Variants in PALS2 observed in about 807,000 individuals in gnomAD.
PALS2 encodes protein associated with LIN7 2, MAGUK p55 family member, also known as protein PALS2.
A neutral mutation model predicts 61.6 loss-of-function variants in PALS2; 27 were observed. That is an observed-to-expected ratio of 0.44 (90% CI 0.32 to 0.60). PALS2 has a LOEUF of 0.60. Among genes scored for constraint, PALS2 ranks in the 20% least tolerant of loss-of-function variants. The probability of loss-of-function intolerance (pLI) is 0.05; values close to 1 mark genes in which losing one functional copy is unlikely to be tolerated. For missense variants in PALS2, 554 were observed against 639.4 expected, an observed-to-expected ratio of 0.87 and a Z score of 1.44; for synonymous variants, 236 against 218.6, an observed-to-expected ratio of 1.08 and a Z score of -0.70.
At chr7:24,677,049 C>T (rs531095276) in intron 9 of PALS2, among the ~76,000 whole-genome samples, 5,787 of 151,590 alleles carry the variant, frequency 0.038, 144 homozygotes, top group Non-Finnish European at 0.057. Context: ...TCTTTTATTT[C>T]GTTGAGCAGT....
In PALS2 at chr7:24,588,095, C is replaced by T. The variant is rs114919294; in HGVS notation, c.-3+14502C>T. Among the ~76,000 whole-genome samples, 792 of 152,114 alleles carry T rather than the reference C, an allele frequency of 5.2e-3. 7 individuals are homozygous for T. Among genetic ancestry groups the T allele is most frequent in the African/African-American group, 0.017 (724 of 41,478 alleles). ...CTAAGCAATTCATTGGGACAGACCC[C>T]ACAACAAAGAATTATCTGGCGCCAA... On this transcript the variant is annotated intron_variant, in intron 1 of 11. Coordinates refer to ENST00000222644, the MANE Select transcript of PALS2 (RefSeq NM_001303037.2).
chr7:24,642,600 A>C (rs1299156517), intron 3 of PALS2, among the ~76,000 whole-genome samples: 1 of 152,170 alleles, frequency 6.6e-6, no homozygotes, highest in Non-Finnish European at 1.5e-5. Context: ...GGATAGAATA[A>C]AGTAAATGTC....
At chr7:24,606,545 A>C (rs1005272920) in intron 1 of PALS2, among the ~76,000 whole-genome samples, 4 of 152,214 alleles carry the variant, frequency 2.6e-5, no homozygotes, top group African/African-American at 9.6e-5. Flanking sequence ...TGAGTTGCAG[A>C]ATATAGATAA....
intron 1 of PALS2, among the ~76,000 whole-genome samples, chr7:24,594,240 C>T (rs1783415998): frequency 6.6e-6 from 1 of 152,076 alleles, no homozygotes; most frequent in South Asian, 2.1e-4. Context: ...TAGGGCCTTA[C>T]TCTGGATTAG....
At chr7:24,682,050 GC>G (rs1787963951) in intron 11 of PALS2, among the ~76,000 whole-genome samples, 2 of 152,140 alleles carry the variant, frequency 1.3e-5, no homozygotes, top group African/African-American at 4.8e-5. Flanking sequence ...TTCTTTGGAT[GC>G]CAGACATTGT....
At chr7:24,644,471 T>C (rs1317580614) in intron 3 of PALS2, among the ~76,000 whole-genome samples, 1 of 152,054 alleles carries the variant, frequency 6.6e-6, no homozygotes, top group Non-Finnish European at 1.5e-5. Context: ...CATTGATCTT[T>C]TGAAAGGTTT....
rs1274264847 is a variant in PALS2 at position 24,692,045 on chromosome 7, AT to A, written c.*4436del. ...TAAGGTAAGGTTATTTTTAAATTGC[AT>A]TTTTGTTCTAACGTTTTGCAATTTA... On this transcript the variant is annotated 3_prime_UTR_variant, in exon 12 of 12. Transcript: ENST00000222644. The A allele has an allele frequency of 6.6e-6, 1 of 152,046 alleles. No individual in the cohort carries two copies. The highest frequency in any genetic ancestry group is 1.5e-5 in the Non-Finnish European group (1 of 67,962). 9.4% of individuals were successfully genotyped at this position (152,046 alleles called of 1,614,324 possible).
intron 9 of PALS2, among the ~76,000 whole-genome samples, chr7:24,674,989 G>C (rs1272705258): frequency 6.6e-6 from 1 of 152,192 alleles, no homozygotes; most frequent in Non-Finnish European, 1.5e-5. Flanking sequence ...TAGTTGCGCA[G>C]TATAGAAGTC....
At chr7:24,585,938 T>G (rs929102175) in intron 1 of PALS2, among the ~76,000 whole-genome samples, 2 of 152,194 alleles carry the variant, frequency 1.3e-5, no homozygotes, top group Non-Finnish European at 2.9e-5. Context: ...TTCTCTTTTA[T>G]CATCCAAACT....
At chr7:24,653,515 CCA>C (rs1786266198) in intron 5 of PALS2, among the ~76,000 whole-genome samples, 1 of 152,086 alleles carries the variant, frequency 6.6e-6, no homozygotes, top group Non-Finnish European at 1.5e-5. Context: ...CCCCAATACC[CCA>C]CGAAGTTTAA....
At chr7:24,683,410 T>A (rs191424869) in intron 11 of PALS2, among the ~76,000 whole-genome samples, 34 of 152,306 alleles carry the variant, frequency 2.2e-4, no homozygotes, top group Admixed American at 9.8e-4. Context: ...CATGAGCACG[T>A]ATGTTCAAAC....
intron 5 of PALS2, among the ~76,000 whole-genome samples, chr7:24,652,933 G>T (rs2721800): frequency 4.2e-4 from 64 of 152,178 alleles, no homozygotes; most frequent in Non-Finnish European, 7.2e-4. Flanking sequence ...TAAATTTTGA[G>T]GGCCAGAGTG....
chr7:24,587,351 G>A (rs1481699331), intron 1 of PALS2, among the ~76,000 whole-genome samples: 1 of 151,786 alleles, frequency 6.6e-6, no homozygotes, highest in African/African-American at 2.4e-5. Flanking sequence ...AGAAAATAAA[G>A]ATACTAATAG....
At chr7:24,598,510 A>T (rs1018232667) in intron 1 of PALS2, among the ~76,000 whole-genome samples, 4 of 152,200 alleles carry the variant, frequency 2.6e-5, no homozygotes, top group African/African-American at 9.6e-5. Flanking sequence ...GTGTTCTTTC[A>T]CTACATTGAA....
chr7:24,646,008 A>C (rs1785813078), intron 3 of PALS2, among the ~76,000 whole-genome samples: 1 of 152,086 alleles, frequency 6.6e-6, no homozygotes, highest in African/African-American at 2.4e-5. Flanking sequence ...GATACAAAGG[A>C]CTTTGTATCC....
At chr7:24,581,808 C>T (rs1267032661) in intron 1 of PALS2, among the ~76,000 whole-genome samples, 2 of 152,082 alleles carry the variant, frequency 1.3e-5, no homozygotes, top group Non-Finnish European at 2.9e-5. Context: ...AATTTTGATG[C>T]CTCTATTACG....
At chr7:24,598,763 C>A (rs189810019) in intron 1 of PALS2, among the ~76,000 whole-genome samples, 39 of 152,254 alleles carry the variant, frequency 2.6e-4, no homozygotes, top group Middle Eastern at 3.4e-3. Context: ...TTTTAATATT[C>A]CATGCAAGGA....
rs149774477 is a variant in PALS2, at chr7:24,607,462, A to ATC, written c.-2-16186_-2-16185dup. 5.9e-3 allele frequency among the ~76,000 whole-genome samples: 878 copies of ATC among 148,486 alleles called. 5 individuals are homozygous for ATC. The highest frequency in any genetic ancestry group is 0.011 in the African/African-American group (455 of 40,642). On this transcript the variant is annotated intron_variant, in intron 1 of 11. Transcript: ENST00000222644. The stretch of plus-strand genomic sequence containing the variant: ...AGTGTTTACTTGCTAATGTATGTGT[A>ATC]TCTCTCTCTCTCTCTCTCTGAACAC...
chr7:24,610,252 C>G (rs528238498), intron 1 of PALS2, among the ~76,000 whole-genome samples: 1 of 152,056 alleles, frequency 6.6e-6, no homozygotes, highest in Admixed American at 6.6e-5. Flanking sequence ...GTAATTTACC[C>G]GGGTTTTCAG....
Sources: gnomAD v4.1 joint callset for allele counts (sites outside exome capture counted in the v4.1 genomes callset) on GRCh38, gnomAD v4.1.1 for gene constraint, MANE v1.5 for transcripts, NCBI Gene and HGNC (gene_info 2026-07-23, HGNC 2026-07-21) for gene names.